Variants in CTNNA2 observed in about 807,000 individuals in gnomAD.
CTNNA2 encodes the protein catenin alpha-2.
In CTNNA2, 42 loss-of-function variants were observed where a neutral mutation model predicts 101.0. That is an observed-to-expected ratio of 0.42 (90% confidence interval 0.32 to 0.54). CTNNA2 has a LOEUF of 0.54. Among genes scored for constraint, CTNNA2 ranks in the 20% least tolerant of loss-of-function variants. The pLI, the probability that CTNNA2 is intolerant of heterozygous loss-of-function variation, is 0.14. For missense variants in CTNNA2, 871 were observed against 1,223.1 expected (o/e 0.71, Z 4.29); for synonymous variants, 450 against 456.4 (o/e 0.99, Z 0.18).
intron 7 of CTNNA2, among the ~76,000 whole-genome samples, chr2:80,282,747 C>T (rs539841569): frequency 6.6e-6 from 1 of 152,156 alleles, no homozygotes; most frequent in South Asian, 2.1e-4. Flanking sequence ...AATTGTTAAT[C>T]AAAACAACAC....
intron 9 of CTNNA2, 64 bp from the exon 10 acceptor site, chr2:80,544,918 C>G (rs191548489): frequency 5.1e-6 from 7 of 1,375,384 alleles, no homozygotes; most frequent in Non-Finnish European, 7.1e-6. Context: ...AGGTCCAAGG[C>G]GGAGCAACAG....
At chr2:79,329,506 G>A (rs17016881) in intron 3 of CTNNA2, among the ~76,000 whole-genome samples, 4,880 of 152,086 alleles carry the variant, frequency 0.032, 253 homozygotes, top group African/African-American at 0.1. Context: ...ATTTACCTAC[G>A]GTGGCATCCC....
chr2:79,551,013 A>G (rs1213753253), intron 1 of CTNNA2, among the ~76,000 whole-genome samples: 1 of 152,246 alleles, frequency 6.6e-6, no homozygotes, highest in Admixed American at 6.5e-5. Context: ...AAACATTTCA[A>G]TAAATAAAAA....
intron 7 of CTNNA2, among the ~76,000 whole-genome samples, chr2:80,207,503 G>A (rs572266782): frequency 6.6e-6 from 1 of 152,324 alleles, no homozygotes; most frequent in South Asian, 2.1e-4. Context: ...AAGAGATGGT[G>A]AGTGTCTGAA....
chr2:79,840,404 C>T (rs901475940), intron 3 of CTNNA2, among the ~76,000 whole-genome samples: 1 of 152,202 alleles, frequency 6.6e-6, no homozygotes, highest in Non-Finnish European at 1.5e-5. Context: ...TCAGAATCAG[C>T]TTGCATTATT....
intron 2 of CTNNA2, among the ~76,000 whole-genome samples, chr2:79,211,358 G>A (rs144713806): frequency 7.3e-4 from 111 of 152,264 alleles, no homozygotes; most frequent in African/African-American, 2.5e-3. Context: ...ATGCGCGTCC[G>A]TGAGAAGAGA....
At chr2:80,285,058 T>C (rs1397239002) in intron 7 of CTNNA2, among the ~76,000 whole-genome samples, 1 of 152,112 alleles carries the variant, frequency 6.6e-6, no homozygotes, top group Non-Finnish European at 1.5e-5. Flanking sequence ...CTTTCTTTTT[T>C]TTTCTGGAAG....
intron 12 of CTNNA2, among the ~76,000 whole-genome samples, chr2:80,556,574 A>G (rs1010482557): frequency 2.0e-5 from 3 of 151,996 alleles, no homozygotes; most frequent in African/African-American, 7.3e-5. Context: ...GAGCTTGCAG[A>G]TGCATTGGGG....
intron 2 of CTNNA2, among the ~76,000 whole-genome samples, chr2:79,251,331 A>G (rs1009145430): frequency 1.3e-5 from 2 of 152,148 alleles, no homozygotes; most frequent in African/African-American, 4.8e-5. Flanking sequence ...GAGCTGTGGA[A>G]TGCACCATGA....
chr2:79,731,142 C>A (rs1359149723), intron 2 of CTNNA2, among the ~76,000 whole-genome samples: 1 of 151,938 alleles, frequency 6.6e-6, no homozygotes, highest in African/African-American at 2.4e-5. Context: ...TTCTTTGTTT[C>A]AAAATGTGTT....
At chr2:79,524,972 T>C (rs192756214) in intron 1 of CTNNA2, among the ~76,000 whole-genome samples, 4 of 151,718 alleles carry the variant, frequency 2.6e-5, no homozygotes, top group East Asian at 1.9e-4. Context: ...TTGGATAGAG[T>C]TGAGTGAATA....
At chr2:80,146,708 T>C (rs1336190042) in intron 7 of CTNNA2, among the ~76,000 whole-genome samples, 1 of 117,450 alleles carries the variant, frequency 8.5e-6, no homozygotes, top group East Asian at 2.2e-4. Context: ...AAGTCCCCTC[T>C]GGTTTTTTTT....
intron 3 of CTNNA2, among the ~76,000 whole-genome samples, chr2:79,354,586 T>C (rs889123860): frequency 1.3e-5 from 2 of 152,202 alleles, no homozygotes; most frequent in Non-Finnish European, 2.9e-5. Context: ...GATTATTTTA[T>C]TGGATTCCTT....
intron 7 of CTNNA2, among the ~76,000 whole-genome samples, chr2:80,136,304 C>G (rs1411871210): frequency 6.6e-6 from 1 of 152,146 alleles, no homozygotes; most frequent in Non-Finnish European, 1.5e-5. Context: ...TCAAAGTACT[C>G]AACCTCTCAG....
chr2:79,488,981 T>C (rs1025751423), intron 4 of CTNNA2, among the ~76,000 whole-genome samples: 2 of 152,194 alleles, frequency 1.3e-5, no homozygotes, highest in Admixed American at 1.3e-4. Flanking sequence ...TGTTTTCTTC[T>C]CTACTTTATC....
At chr2:80,284,253 A>G (rs1674588452) in intron 7 of CTNNA2, among the ~76,000 whole-genome samples, 1 of 152,154 alleles carries the variant, frequency 6.6e-6, no homozygotes, top group South Asian at 2.1e-4. Flanking sequence ...ATGATAAAAT[A>G]CCACCAGATA....
chr2:79,551,743 G>A (rs974695126), intron 1 of CTNNA2, among the ~76,000 whole-genome samples: 1 of 152,150 alleles, frequency 6.6e-6, no homozygotes, highest in Non-Finnish European at 1.5e-5. Context: ...ATGGTGGAAG[G>A]CAAAGGGGAA....
intron 7 of CTNNA2, among the ~76,000 whole-genome samples, chr2:79,913,092 G>T (rs1356356872): frequency 1.3e-5 from 2 of 152,196 alleles, no homozygotes; most frequent in Non-Finnish European, 2.9e-5. Context: ...AGCTTACACT[G>T]TTGTGGGAGG....
chr2:79,450,971 C>G (rs1012391896), intron 4 of CTNNA2, among the ~76,000 whole-genome samples: 19 of 152,174 alleles, frequency 1.2e-4, no homozygotes, highest in African/African-American at 4.6e-4. Flanking sequence ...CAAATTCATA[C>G]ACACATCCAC....
Sources: allele counts gnomAD v4.1 joint callset (sites outside exome capture counted in the v4.1 genomes callset), GRCh38; gene constraint gnomAD v4.1.1; transcripts MANE v1.5; gene names NCBI Gene and HGNC (gene_info 2026-07-23, HGNC 2026-07-21).